The following XIRP2 variants were observed in gnomAD, a reference collection of about 807,000 sequenced individuals.
XIRP2 encodes xin actin binding repeat containing 2, also known as xin actin-binding repeat-containing protein 2.
Under a neutral mutation model 277.0 loss-of-function variants are expected in XIRP2, and 236 were observed. The observed-to-expected ratio is 0.85, with a 90% CI of 0.77 to 0.95. XIRP2 has a LOEUF of 0.95. Among genes scored for constraint, XIRP2 ranks in the 40% least tolerant of loss-of-function variants. The pLI, the probability that XIRP2 is intolerant of heterozygous loss-of-function variation, is 0.00. For synonymous variants in XIRP2, 1,490 were observed against 1,416.5 expected (o/e 1.05, Z -1.17); for missense variants, 4,640 against 4,157.5 (o/e 1.12, Z -3.19).
intron 4 of XIRP2, among the ~76,000 whole-genome samples, chr2:167,211,883 T>A (rs1694056330): frequency 1.3e-5 from 2 of 152,186 alleles, no homozygotes; most frequent in Admixed American, 6.5e-5. Flanking sequence ...CTGTATTCTG[T>A]GGCCTTCAAC....
rs182116869 is a variant in XIRP2 at position 166,905,469 on chromosome 2, C to T, written c.408+1579C>T. The stretch of plus-strand genomic sequence containing the variant: ...TAAATGTGAGATTACTAATATTCAG[C>T]ATGATAGGTGGTTTGCCATCTAGTA... On this transcript the variant is annotated intron_variant, in intron 2 of 10. Transcript: ENST00000409195. 1.9e-3 allele frequency among the ~76,000 whole-genome samples: 290 copies of T among 151,856 alleles called. 1 individual carries two copies. Among genetic ancestry groups the T allele is most frequent in the Non-Finnish European group, 3.6e-3 (243 of 67,814 alleles).
At chr2:167,220,842 A>G (rs1184900842) in intron 5 of XIRP2, among the ~76,000 whole-genome samples, 2 of 152,178 alleles carry the variant, frequency 1.3e-5, no homozygotes, top group African/African-American at 2.4e-5. Flanking sequence ...AAACAAAAAT[A>G]TATATCTACT....
rs764649905 is a variant in XIRP2 at position 167,247,757 on chromosome 2, G to A, written c.6365G>A (p.Gly2122Glu). The A allele has an allele frequency of 6.2e-7, 1 of 1,613,478 alleles. No homozygotes were observed. Among genetic ancestry groups the A allele is most frequent in the Non-Finnish European group, 8.5e-7 (1 of 1,179,694 alleles). The part of the protein sequence containing the change: ...NSIQSAGKTV[G>E]KQQTYELRND... ...ATCCAATCTGCTGGTAAAACCGTTG[G>A]AAAGCAACAGACATATGAACTGAGA... Residue 2122 changes from glycine to glutamate, a missense_variant, in exon 9 of 11, where the codon GGA becomes GAA. Coordinates refer to ENST00000409195, the MANE Select transcript of XIRP2 (RefSeq NM_152381.6).
chr2:167,251,297 C>T lies in XIRP2; in HGVS notation c.9905C>T (p.Pro3302Leu). The T allele has an allele frequency of 6.2e-7, 1 of 1,613,552 alleles. No individual in the cohort carries two copies. Among genetic ancestry groups the T allele is most frequent in the Non-Finnish European group, 8.5e-7 (1 of 1,179,678 alleles). Residue 3302 changes from proline to leucine, a missense_variant, in exon 9 of 11, where the codon CCT (proline) becomes CTT (leucine). Pro to Leu is a moderately conservative substitution (Grantham distance 98). Coordinates refer to ENST00000409195, the MANE Select transcript of XIRP2 (RefSeq NM_152381.6). Reference protein sequence around the residue: ...AVEIIRKVAVPPRLSEHTQRY... With the variant: ...AVEIIRKVAVLPRLSEHTQRY... ...GAAATCATCCGCAAGGTTGCAGTGC[C>T]TCCTCGCCTGTCAGAGCACACACAG...
At chr2:166,984,632 G>A (rs1357140546) in intron 2 of XIRP2, among the ~76,000 whole-genome samples, 1 of 152,158 alleles carries the variant, frequency 6.6e-6, no homozygotes, top group Non-Finnish European at 1.5e-5. Context: ...TTTTAGAAGT[G>A]CTGTATCTAT....
intron 3 of XIRP2, among the ~76,000 whole-genome samples, chr2:167,146,510 AG>A (rs202054005): frequency 5.9e-5 from 9 of 151,498 alleles, no homozygotes; most frequent in African/African-American, 1.7e-4. Flanking sequence ...CAAAAAAAAA[AG>A]AAAGAAAGAA....
chr2:166,956,145 C>T (rs2105401642), intron 2 of XIRP2, among the ~76,000 whole-genome samples: 1 of 151,856 alleles, frequency 6.6e-6, no homozygotes, highest in South Asian at 2.1e-4. Flanking sequence ...GAAAGTGACA[C>T]AACTATATGC....
intron 2 of XIRP2, among the ~76,000 whole-genome samples, chr2:167,089,681 C>A (rs1015055323): frequency 6.6e-6 from 1 of 151,896 alleles, no homozygotes; most frequent in African/African-American, 2.4e-5. Context: ...CATATGTGTG[C>A]GTGTATTACT....
intron 3 of XIRP2, among the ~76,000 whole-genome samples, chr2:167,161,363 G>C (rs1475852518): frequency 2.0e-5 from 3 of 152,116 alleles, no homozygotes; most frequent in Non-Finnish European, 2.9e-5. Flanking sequence ...CCCTAGCAGA[G>C]GTTCCGCATG....
intron 2 of XIRP2, among the ~76,000 whole-genome samples, chr2:167,083,851 G>A (rs1458321005): frequency 6.6e-6 from 1 of 152,010 alleles, no homozygotes; most frequent in South Asian, 2.1e-4. Context: ...CTGAGACAAT[G>A]TGGTTTTCTA....
chr2:167,033,448 A>T (rs972228541), intron 2 of XIRP2, among the ~76,000 whole-genome samples: 21 of 152,290 alleles, frequency 1.4e-4, no homozygotes, highest in African/African-American at 4.8e-4. Flanking sequence ...TAATTTTTTT[A>T]AAAGTTTATT....
At position 167,251,128 on chromosome 2, in the gene XIRP2, CAT is replaced by C; in HGVS notation, c.9737_9738del (p.His3246ArgfsTer3). ...AATCACAATACCAGTAAATATAAATCATGCTGCTAGTGGTTCCTTCAGAGAAT... is the reference window on the plus strand; with the variant it reads ...AATCACAATACCAGTAAATATAAATCGCTGCTAGTGGTTCCTTCAGAGAAT... ...PTITIPVNIN[H>X]AASGSFRESV... On this transcript the variant is annotated frameshift_variant, in exon 9 of 11. Coordinates refer to ENST00000409195, the MANE Select transcript of XIRP2 (RefSeq NM_152381.6). LOFTEE classifies it high-confidence loss of function. 6.2e-7 allele frequency: 1 copy of C among 1,613,464 alleles called. No homozygotes were observed. The highest frequency in any genetic ancestry group is 8.5e-7 in the Non-Finnish European group (1 of 1,179,738).
At position 167,245,465 on chromosome 2, in the gene XIRP2, C is replaced by T; in HGVS notation, c.4073C>T (p.Pro1358Leu). 1.9e-6 allele frequency: 3 copies of T among 1,613,476 alleles called. No individual in the cohort carries two copies. Among genetic ancestry groups the T allele is most frequent in the Non-Finnish European group, 2.5e-6 (3 of 1,179,720 alleles). ...RGTRWLFETK[P>L]LDSINKSETV... ...ACAAGGTGGCTTTTTGAAACAAAGC[C>T]ATTAGACTCTATTAATAAATCAGAA... Residue 1358 changes from proline (P) to leucine (L), a missense_variant, in exon 9 of 11, where the codon CCA (proline) becomes CTA (leucine). Pro to Leu is a moderately conservative substitution (Grantham distance 98). Transcript: ENST00000409195.
intron 2 of XIRP2, among the ~76,000 whole-genome samples, chr2:167,052,259 G>A (rs539704978): frequency 6.9e-6 from 1 of 145,556 alleles, no homozygotes. Context: ...AATATTTAGA[G>A]GTCATTTTAT....
chr2:167,027,504 C>G (rs900390474), intron 2 of XIRP2, among the ~76,000 whole-genome samples: 18 of 152,174 alleles, frequency 1.2e-4, no homozygotes, highest in African/African-American at 4.3e-4. Flanking sequence ...CTTCTCTCAA[C>G]TCATCAAAGT....
At chr2:167,156,086 T>G (rs952094716) in intron 3 of XIRP2, among the ~76,000 whole-genome samples, 7 of 151,174 alleles carry the variant, frequency 4.6e-5, no homozygotes, top group South Asian at 2.1e-4. Flanking sequence ...CACTGCTCAA[T>G]GAAATAAAAG....
intron 5 of XIRP2, among the ~76,000 whole-genome samples, chr2:167,235,232 AT>A (rs1192010820): frequency 6.6e-6 from 1 of 151,584 alleles, no homozygotes; most frequent in African/African-American, 2.4e-5. Flanking sequence ...AACTGCACAT[AT>A]TTTTCCATAG....
intron 2 of XIRP2, among the ~76,000 whole-genome samples, chr2:167,126,458 A>C (rs753307461): frequency 6.6e-6 from 1 of 152,142 alleles, no homozygotes; most frequent in African/African-American, 2.4e-5. Context: ...TGGAAGGTAC[A>C]TTACACAGGA....
intron 2 of XIRP2, chr2:167,124,199 C>T (rs1045155052): frequency 8.5e-5 from 13 of 152,056 alleles, no homozygotes; most frequent in Admixed American, 7.2e-4. Context: ...AAAAAAGTCT[C>T]CTTGCTTACA....
Sources: gnomAD v4.1 joint callset for allele counts (sites outside exome capture counted in the v4.1 genomes callset) on GRCh38, gnomAD v4.1.1 for gene constraint, MANE v1.5 for transcripts, NCBI Gene and HGNC (gene_info 2026-07-23, HGNC 2026-07-21) for gene names.